CUX1: variants seen among roughly 807,000 people sequenced by gnomAD.
CUX1 encodes cut like homeobox 1, also known as protein CASP.
Under a neutral mutation model 158.8 loss-of-function variants are expected in CUX1, and 31 were observed. That is an observed-to-expected ratio of 0.20 (90% CI 0.15 to 0.26). The LOEUF (loss-of-function observed/expected upper bound fraction) is 0.26. Among genes scored for constraint, CUX1 ranks in the 10% least tolerant of loss-of-function variants. The probability of loss-of-function intolerance (pLI) is 1.00; values close to 1 mark genes in which losing one functional copy is unlikely to be tolerated. For synonymous variants in CUX1, 879 were observed against 862.1 expected (o/e 1.02, Z -0.34); for missense variants, 1,589 against 2,014.6 (o/e 0.79, Z 4.04).
chr7:102,184,608 G>A (rs10251132), intron 11 of CUX1, among the ~76,000 whole-genome samples: 3 of 152,164 alleles, frequency 2.0e-5, no homozygotes, highest in East Asian at 1.9e-4. Flanking sequence ...TTACCTGTCT[G>A]TGTAAAGCCC....
chr7:102,247,203 T>C (rs1237949956), intron 23 of CUX1, among the ~76,000 whole-genome samples: 1 of 127,418 alleles, frequency 7.8e-6, no homozygotes, highest in Non-Finnish European at 1.7e-5. Flanking sequence ...CTAAGTAAAA[T>C]AAGGAAAGGA....
At chr7:102,283,366 C>T in exon 23 of CUX1, 1 of 489,106 alleles carries the variant, frequency 2.0e-6, no homozygotes, top group Non-Finnish European at 3.7e-6. Flanking sequence ...GCTCTGCCCG[C>T]AGCCTGACCT....
rs80189064 is a variant in CUX1, at chr7:101,840,124, A to T, written c.30+22455A>T. On this transcript the variant is annotated intron_variant, in intron 1 of 23. Transcript: ENST00000292535. The stretch of plus-strand genomic sequence containing the variant: ...TAGATTATTGTGGTATAGAGGAAAC[A>T]ATTGGTTTTTGTTGATTTCGAAGCT... Among the ~76,000 whole-genome samples, 31 of 152,346 alleles carry T rather than the reference A, an allele frequency of 2.0e-4. No individual in the cohort carries two copies. In the East Asian group the frequency reaches 5.8e-3, roughly 28 times the overall value.
chr7:101,857,758 T>G (rs1237439354), intron 1 of CUX1, among the ~76,000 whole-genome samples: 1 of 133,452 alleles, frequency 7.5e-6, no homozygotes, highest in Non-Finnish European at 1.6e-5. Context: ...CGTTTTATTT[T>G]GCAGGGAATT....
chr7:102,147,780 G>A (rs1554502502), intron 8 of CUX1, among the ~76,000 whole-genome samples: 1 of 151,632 alleles, frequency 6.6e-6, no homozygotes, highest in African/African-American at 2.4e-5. Flanking sequence ...GTGGATCACT[G>A]GAGATCAGGA....
chr7:102,025,931 C>G (rs539889158), intron 2 of CUX1, among the ~76,000 whole-genome samples: 1 of 152,200 alleles, frequency 6.6e-6, no homozygotes, highest in East Asian at 1.9e-4. Flanking sequence ...AATCCTAGCA[C>G]TGTGGGAGAT....
chr7:102,093,760 G>A (rs1019146550), intron 4 of CUX1, among the ~76,000 whole-genome samples: 5 of 152,202 alleles, frequency 3.3e-5, no homozygotes, highest in African/African-American at 1.2e-4. Context: ...GATTGCTTTA[G>A]GAATTAAGTA....
chr7:102,057,126 C>A (rs1824250994), intron 3 of CUX1, among the ~76,000 whole-genome samples: 1 of 151,944 alleles, frequency 6.6e-6, no homozygotes, highest in Non-Finnish European at 1.5e-5. Context: ...TGGTCTCGAT[C>A]TCCTGACCTC....
intron 4 of CUX1, among the ~76,000 whole-genome samples, chr7:102,082,644 C>A (rs1827553867): frequency 6.8e-6 from 1 of 147,396 alleles, no homozygotes; most frequent in African/African-American, 2.4e-5. Context: ...CCTTCTGATC[C>A]CAGTACCCAG....
intron 23 of CUX1, among the ~76,000 whole-genome samples, chr7:102,244,328 C>G (rs201140763): frequency 3.4e-5 from 1 of 29,820 alleles, no homozygotes; most frequent in South Asian, 1.4e-3. Flanking sequence ...TTTTTGCCCC[C>G]TCAAAAAAAA....
At chr7:101,835,536 G>T (rs1425170607) in intron 1 of CUX1, among the ~76,000 whole-genome samples, 1 of 152,036 alleles carries the variant, frequency 6.6e-6, no homozygotes, top group Non-Finnish European at 1.5e-5. Context: ...TAGTCACTCT[G>T]GGCTTTGCTT....
intron 2 of CUX1, among the ~76,000 whole-genome samples, chr7:101,935,686 G>A (rs1283096324): frequency 2.0e-5 from 3 of 152,194 alleles, no homozygotes; most frequent in East Asian, 1.9e-4. Context: ...GTAGGAACCC[G>A]GACCTGGTGT....
intron 7 of CUX1, 78 bp from the exon 8 acceptor site, chr7:102,115,129 T>C: frequency 7.7e-7 from 1 of 1,292,328 alleles, no homozygotes; most frequent in Non-Finnish European, 1.1e-6. Context: ...TTTGCCTCTT[T>C]TGAAATGGGA....
intron 2 of CUX1, among the ~76,000 whole-genome samples, chr7:101,938,102 T>A (rs994655109): frequency 5.1e-4 from 78 of 152,082 alleles, no homozygotes; most frequent in African/African-American, 1.8e-3. Context: ...GATATCCATG[T>A]TTTTTGGTGT....
chr7:102,026,837 A>C (rs1360227788), intron 2 of CUX1, among the ~76,000 whole-genome samples: 1 of 151,814 alleles, frequency 6.6e-6, no homozygotes, highest in Non-Finnish European at 1.5e-5. Flanking sequence ...AAAAAAAAAA[A>C]AAAAAAACAT....
intron 1 of CUX1, among the ~76,000 whole-genome samples, chr7:101,865,717 A>G (rs137979259): frequency 6.6e-6 from 1 of 152,336 alleles, no homozygotes; most frequent in African/African-American, 2.4e-5. Flanking sequence ...CTAGCATGCT[A>G]TTTAATGATG....
At chr7:102,203,501 A>G (rs1283189381) in intron 18 of CUX1, among the ~76,000 whole-genome samples, 2 of 152,206 alleles carry the variant, frequency 1.3e-5, no homozygotes, top group Non-Finnish European at 2.9e-5. Flanking sequence ...GCGACTAGAA[A>G]TGAGGATGAG....
chr7:101,827,973 GTT>G (rs112801049), intron 1 of CUX1, among the ~76,000 whole-genome samples: 60 of 98,670 alleles, frequency 6.1e-4, no homozygotes, highest in East Asian at 3.7e-3. Context: ...GGTATAACTT[GTT>G]TTTTTTTTTT....
chr7:102,101,109 C>G (rs1325468725), intron 5 of CUX1, among the ~76,000 whole-genome samples: 4 of 152,224 alleles, frequency 2.6e-5, no homozygotes, highest in African/African-American at 9.6e-5. Context: ...GATTCGCCCC[C>G]ATGACCCAGA....
Sources: allele counts gnomAD v4.1 joint callset (sites outside exome capture counted in the v4.1 genomes callset), GRCh38; gene constraint gnomAD v4.1.1; transcripts MANE v1.5; gene names NCBI Gene and HGNC (gene_info 2026-07-23, HGNC 2026-07-21).